Variants in DDX50 observed in about 807,000 individuals in gnomAD.
DDX50 encodes ATP-dependent RNA helicase DDX50.
DDX50 carries 56 observed loss-of-function variants against 94.8 expected under a neutral mutation model. The observed-to-expected ratio is 0.59, with a 90% confidence interval of 0.48 to 0.74. DDX50 has a LOEUF of 0.74. Ranked by LOEUF, DDX50 falls within the 30% of genes least tolerant of loss-of-function variation. DDX50 has a pLI of 0.00. For missense variants in DDX50, 713 were observed against 881.2 expected, an observed-to-expected ratio of 0.81 and a Z score of 2.42; for synonymous variants, 264 against 295.4, an observed-to-expected ratio of 0.89 and a Z score of 1.09.
Position 68,906,883 on chromosome 10 carries a change from A to G in DDX50, c.260A>G (p.Lys87Arg). The G allele has an allele frequency of 1.2e-6, 2 of 1,611,718 alleles. No homozygotes were observed. The highest frequency in any genetic ancestry group is 1.7e-6 in the Non-Finnish European group (2 of 1,179,562). Residue 87 changes from lysine to arginine, a missense_variant, in exon 2 of 15, where the codon AAA (lysine) becomes AGA (arginine). Lys to Arg is a conservative substitution (Grantham distance 26). Coordinates refer to ENST00000373585, the MANE Select transcript of DDX50 (RefSeq NM_024045.2). ...AATAGACTTTCAGATGAATTCTCCA[A>G]ATCTCATAAGTCAAGAAGAAAAGAT... ...GFNRLSDEFS[K>R]SHKSRRKDLP...
At chr10:68,941,381 G>A (rs1437948455) in intron 13 of DDX50, among the ~76,000 whole-genome samples, 187 bp downstream of exon 13, 1 of 152,154 alleles carries the variant, frequency 6.6e-6, no homozygotes, top group Non-Finnish European at 1.5e-5. Context: ...AGAGCTGTAA[G>A]TCATTCTGTT....
intron 12 of DDX50, among the ~76,000 whole-genome samples, chr10:68,940,131 G>A (rs543636299): frequency 4.6e-5 from 7 of 152,210 alleles, no homozygotes; most frequent in Admixed American, 3.9e-4. Flanking sequence ...GCTTATGCCT[G>A]TAATCCTAGC....
intron 8 of DDX50, among the ~76,000 whole-genome samples, chr10:68,932,889 T>A (rs1342259306): frequency 2.6e-5 from 4 of 152,146 alleles, no homozygotes; most frequent in African/African-American, 9.7e-5. Context: ...GGTACACAAC[T>A]TTTTTTATAA....
At position 68,934,495 on chromosome 10, in the gene DDX50, T is replaced by A; in HGVS notation, c.1401+135T>A. ...TAGCCATTTTTTGTTAGTGTGCTAT[T>A]AAATTTATCAGATTCTGATACTTTT... On this transcript the variant is annotated intron_variant, in intron 9 of 14. Coordinates refer to ENST00000373585, the MANE Select transcript of DDX50 (RefSeq NM_024045.2). The surrounding 1 kb of genome is among the most constrained non-coding windows in gnomAD (Gnocchi z 4.0). 8.1e-7 allele frequency: 1 copy of A among 1,230,000 alleles called. No individual in the cohort carries two copies. The highest frequency in any genetic ancestry group is 1.1e-6 in the Non-Finnish European group (1 of 885,518). 76.2% of individuals were successfully genotyped at this position (1,230,000 alleles called of 1,614,324 possible).
chr10:68,938,958 G>A (rs778995107), intron 12 of DDX50, among the ~76,000 whole-genome samples: 28 of 152,214 alleles, frequency 1.8e-4, no homozygotes, highest in African/African-American at 2.4e-4. Flanking sequence ...GGATTTGTCC[G>A]AATCTCTTCA....
chr10:68,919,173 A>C (rs943356613), intron 7 of DDX50, among the ~76,000 whole-genome samples: 2 of 152,240 alleles, frequency 1.3e-5, no homozygotes, highest in African/African-American at 4.8e-5. Flanking sequence ...TTCTCAGAAC[A>C]TATCCCTGTC....
intron 8 of DDX50, among the ~76,000 whole-genome samples, chr10:68,929,519 G>C (rs530188457): frequency 2.4e-4 from 36 of 151,664 alleles, no homozygotes; most frequent in Non-Finnish European, 3.5e-4. Context: ...TCCACCTCCT[G>C]GGTTCAAGTG....
rs12250385 is a variant in DDX50, at chr10:68,931,390, A to T, written c.1240-2809A>T. ...GGTGGGTGACGGATCATTAAAAAAA[A>T]AAATATATATATATATATATGTATA... On this transcript the variant is annotated intron_variant, in intron 8 of 14. Transcript: ENST00000373585. 8.5e-3 allele frequency among the ~76,000 whole-genome samples: 396 copies of T among 46,788 alleles called. 7 individuals carry two copies. The highest frequency in any genetic ancestry group is 0.025 in the African/African-American group (375 of 15,104). 30.7% of individuals were successfully genotyped at this position (46,788 alleles called of 152,430 possible).
intron 7 of DDX50, among the ~76,000 whole-genome samples, chr10:68,916,387 CT>C (rs1841793110): frequency 6.7e-6 from 1 of 149,210 alleles, no homozygotes; most frequent in Admixed American, 6.7e-5. Flanking sequence ...AAAAAAGAAG[CT>C]TTTTTATTTT....
intron 6 of DDX50, 55 bp downstream of exon 6, chr10:68,913,631 A>G: frequency 3.3e-6 from 5 of 1,514,372 alleles, no homozygotes; most frequent in Non-Finnish European, 4.4e-6. Flanking sequence ...TCTTAAATGC[A>G]AACGAGTTTT....
In DDX50 at chr10:68,946,601, A is replaced by C; in HGVS notation, c.2185A>C (p.Ser729Arg). 2 of 1,614,028 alleles carry C rather than the reference A, an allele frequency of 1.2e-6. No individual in the cohort carries two copies. Among genetic ancestry groups the C allele is most frequent in the Non-Finnish European group, 1.7e-6 (2 of 1,179,960 alleles). ...RRSGNRNRSRSGGHKRSFD is the reference protein window; with the variant it reads ...RRSGNRNRSRRGGHKRSFD ...AAGTGGGAATAGAAATCGATCAAGA[A>C]GTGGGGGCCACAAACGGAGTTTTGA... Residue 729 changes from serine (S) to arginine (R), a missense_variant, in exon 15 of 15, where the codon AGT becomes CGT. Around this residue, in one of 2 missense-constraint regions of DDX50, gnomAD observed 428 missense variants for 602.3 expected, o/e 0.71. Coordinates refer to ENST00000373585, the MANE Select transcript of DDX50 (RefSeq NM_024045.2).
At chr10:68,913,959 T>C in intron 6 of DDX50, 100 bp from the exon 7 acceptor site, 1 of 1,208,758 alleles carries the variant, frequency 8.3e-7, no homozygotes, top group Non-Finnish European at 1.1e-6. Flanking sequence ...CCCCAAGTTT[T>C]ACATTTTTCA....
Position 68,911,264 on chromosome 10 carries a change from T to C in DDX50, c.639+18T>C. ...CACCAAAGGTAATCGTTATAGGGGGTAAAAGCTTTAAATGTTACTCTAACA... is the reference window on the plus strand; with the variant it reads ...CACCAAAGGTAATCGTTATAGGGGGCAAAAGCTTTAAATGTTACTCTAACA... On this transcript the variant is annotated intron_variant, in intron 4 of 14. Transcript: ENST00000373585. The C allele has an allele frequency of 6.5e-7, 1 of 1,529,590 alleles. No homozygotes were observed. Among genetic ancestry groups the C allele is most frequent in the East Asian group, 2.3e-5 (1 of 43,224 alleles). The allele number at this position is 1,529,590 out of a possible 1,614,324, so 94.8% of individuals were successfully genotyped here. A position where few individuals can be genotyped will look rare whatever the true frequency, so the allele number is the denominator to read the frequency against.
intron 8 of DDX50, among the ~76,000 whole-genome samples, chr10:68,929,897 T>C (rs1168136322): frequency 1.3e-5 from 2 of 151,712 alleles, no homozygotes; most frequent in Non-Finnish European, 2.9e-5. Flanking sequence ...CATACCCGGC[T>C]AATTTTTGTA....
rs116750556 is a variant in DDX50, at chr10:68,904,719, G to C, written c.88-1992G>C. ...TTTTGCCTTGCTTCAACTTCTCTCT[G>C]TAGTGCAGGGCCCAGAAGCAATTCA... On this transcript the variant is annotated intron_variant, in intron 1 of 14. Coordinates refer to ENST00000373585, the MANE Select transcript of DDX50 (RefSeq NM_024045.2). Among the ~76,000 whole-genome samples the C allele has an allele frequency of 9.8e-4, 150 of 152,334 alleles. 1 individual carries two copies. The highest frequency in any genetic ancestry group is 3.5e-3 in the African/African-American group (147 of 41,576).
chr10:68,914,225 A>G, intron 7 of DDX50, 21 bp downstream of exon 7: 3 of 1,602,544 alleles, frequency 1.9e-6, no homozygotes, highest in Non-Finnish European at 2.5e-6. Flanking sequence ...TTCTAGCATG[A>G]TAGATTTTAG....
intron 8 of DDX50, 65 bp downstream of exon 8, chr10:68,920,046 T>C (rs774216351): frequency 1.1e-4 from 181 of 1,593,608 alleles, no homozygotes; most frequent in Non-Finnish European, 1.5e-4. Context: ...ACGAAAATTA[T>C]ATTGTCCTTT....
At chr10:68,908,556 G>A (rs938959995) in intron 2 of DDX50, among the ~76,000 whole-genome samples, 4 of 147,412 alleles carry the variant, frequency 2.7e-5, no homozygotes, top group Non-Finnish European at 6.0e-5. Flanking sequence ...GGAGGAGTAT[G>A]TTTCAAATAT....
Position 68,913,439 on chromosome 10 carries a change from G to A in DDX50, c.806G>A (p.Arg269His). Residue 269 changes from arginine (R) to histidine (H), a missense_variant, in exon 6 of 15, where the codon CGT becomes CAT. By Grantham distance (29) the Arg-to-His change is conservative. This residue lies in a region of DDX50 where 428 missense variants were observed against 602.3 expected (regional missense o/e 0.71). Coordinates refer to ENST00000373585, the MANE Select transcript of DDX50 (RefSeq NM_024045.2). ...GACATCTTGGTTGGAACACCTGGTC[G>A]TATCAAAGACCATCTGCAGAGTGGC... The part of the protein sequence containing the change: ...GIDILVGTPG[R>H]IKDHLQSGRL... 2 of 1,613,916 alleles carry A rather than the reference G, an allele frequency of 1.2e-6. No individual in the cohort carries two copies. Among genetic ancestry groups the A allele is most frequent in the South Asian group, 2.2e-5 (2 of 90,994 alleles).
Sources: allele counts gnomAD v4.1 joint callset (sites outside exome capture counted in the v4.1 genomes callset), GRCh38; gene constraint gnomAD v4.1.1; regional missense constraint gnomAD v4.1.1; non-coding constraint Gnocchi (gnomAD v3.1); transcripts MANE v1.5; gene names NCBI Gene and HGNC (gene_info 2026-07-23, HGNC 2026-07-21).